Variants in ZNF638 observed in about 807,000 individuals in gnomAD.
ZNF638 encodes the protein zinc finger protein 638.
A neutral mutation model predicts 195.6 loss-of-function variants in ZNF638; 46 were observed. That is an observed-to-expected ratio of 0.24 (90% confidence interval 0.19 to 0.30). ZNF638 has a LOEUF of 0.30. Ranked by LOEUF, ZNF638 falls within the 10% of genes least tolerant of loss-of-function variation. The probability of loss-of-function intolerance (pLI) is 1.00; values close to 1 mark genes in which losing one functional copy is unlikely to be tolerated. For missense variants in ZNF638, 2,440 were observed against 2,325.3 expected, an observed-to-expected ratio of 1.05 and a Z score of -1.01; for synonymous variants, 845 against 772.0, an observed-to-expected ratio of 1.09 and a Z score of -1.57.
Position 71,407,253 on chromosome 2 carries a change from G to A in ZNF638, c.3136-869G>A, listed in dbSNP as rs552478202. ...ATATGCTTCTGATAAATAGAGCATA[G>A]AATGGAATATGATAAATAGTGTGAC... is the stretch of plus-strand genomic sequence containing the variant. On this transcript the variant is annotated intron_variant, in intron 19 of 27. Coordinates refer to ENST00000264447, the MANE Select transcript of ZNF638 (RefSeq NM_014497.5). 2.0e-5 allele frequency: 3 copies of A among 152,186 alleles called. No individual in the cohort carries two copies. In the South Asian group the frequency reaches 6.2e-4, roughly 32 times the overall value. 9.4% of individuals were successfully genotyped at this position (152,186 alleles called of 1,614,324 possible).
At chr2:71,367,226 G>C (rs1391666166) in intron 6 of ZNF638, among the ~76,000 whole-genome samples, 2 of 151,514 alleles carry the variant, frequency 1.3e-5, no homozygotes, top group East Asian at 3.9e-4. Flanking sequence ...CTAGGTGGTG[G>C]CAGTGGAACT....
intron 8 of ZNF638, chr2:71,374,177 A>C (rs2079374423): frequency 6.6e-6 from 1 of 152,210 alleles, no homozygotes; most frequent in Non-Finnish European, 1.5e-5. Flanking sequence ...AGTGCCTAAA[A>C]GGTTTTATTC....
rs1233777150 is a variant in ZNF638, at chr2:71,406,358, G to A, written c.3135+96G>A. 5.9e-5 allele frequency: 64 copies of A among 1,093,524 alleles called. No homozygotes were observed. In the East Asian group the frequency reaches 1.5e-3, roughly 26 times the overall value. 67.7% of individuals were successfully genotyped at this position (1,093,524 alleles called of 1,614,324 possible). A position where few individuals can be genotyped will look rare whatever the true frequency, so the allele number is the denominator to read the frequency against. On this transcript the variant is annotated intron_variant, in intron 19 of 27. Coordinates refer to ENST00000264447, the MANE Select transcript of ZNF638 (RefSeq NM_014497.5). Reference sequence around the variant, plus strand: ...CTGCAACTTCTGATCTGAAGCACCTGTAAATATTACTCAACCACTTCGCAG... The same window carrying A: ...CTGCAACTTCTGATCTGAAGCACCTATAAATATTACTCAACCACTTCGCAG...
intron 1 of ZNF638, among the ~76,000 whole-genome samples, chr2:71,347,419 A>G (rs1015973227): frequency 1.3e-5 from 2 of 152,234 alleles, no homozygotes; most frequent in Non-Finnish European, 1.5e-5. Flanking sequence ...TCCCAGCCAA[A>G]TTAACAATTA....
At chr2:71,337,677 A>G (rs946247341) in intron 1 of ZNF638, among the ~76,000 whole-genome samples, 1 of 152,192 alleles carries the variant, frequency 6.6e-6, no homozygotes, top group African/African-American at 2.4e-5. Flanking sequence ...AAGTAGTAAG[A>G]TTACGTGCAT....
At chr2:71,399,709 CA>C in intron 13 of ZNF638, 64 bp downstream of exon 13, 1 of 1,346,990 alleles carries the variant, frequency 7.4e-7, no homozygotes, top group Non-Finnish European at 1.0e-6. Context: ...TTTTTAAGTT[CA>C]GGGGTACATG....
intron 1 of ZNF638, among the ~76,000 whole-genome samples, chr2:71,346,232 G>A (rs1425867047): frequency 1.3e-5 from 2 of 152,210 alleles, no homozygotes; most frequent in African/African-American, 2.4e-5. Flanking sequence ...GGTTCAGAAA[G>A]CATTGTAATA....
intron 20 of ZNF638, among the ~76,000 whole-genome samples, chr2:71,417,821 T>C (rs1161216269): frequency 6.6e-6 from 1 of 152,234 alleles, no homozygotes; most frequent in Non-Finnish European, 1.5e-5. Flanking sequence ...AGGAAGTCTT[T>C]ACTGTTGGAC....
chr2:71,368,008 A>G (rs1558846895), intron 6 of ZNF638, among the ~76,000 whole-genome samples: 1 of 152,160 alleles, frequency 6.6e-6, no homozygotes, highest in Non-Finnish European at 1.5e-5. Context: ...CAAAGCTGTA[A>G]TTTCAGCTTT....
chr2:71,335,226 A>G (rs1046600816), intron 1 of ZNF638, among the ~76,000 whole-genome samples: 2 of 152,076 alleles, frequency 1.3e-5, no homozygotes, highest in South Asian at 4.1e-4. Flanking sequence ...AAATTCATAG[A>G]GACAAGGTCT....
chr2:71,423,906 C>G lies in ZNF638; in HGVS notation c.4392C>G (p.Thr1464=). The G allele has an allele frequency of 6.2e-7, 1 of 1,613,976 alleles. No homozygotes were observed. The highest frequency in any genetic ancestry group is 8.5e-7 in the Non-Finnish European group (1 of 1,180,006). The change falls in exon 22 of 28, where the codon ACC becomes ACG. Residue 1464 remains threonine, a synonymous_variant. Coordinates refer to ENST00000264447, the MANE Select transcript of ZNF638 (RefSeq NM_014497.5). Reference sequence around the variant, plus strand: ...TCAAACCTACTCAGAGCAGTCTTACCAGAGGAGGCAGTGGAAGGATCTCAG... The same window carrying G: ...TCAAACCTACTCAGAGCAGTCTTACGAGAGGAGGCAGTGGAAGGATCTCAG... ...SKFKPTQSSL[T]RGGSGRISAL... is the part of the protein sequence containing the mutation.
intron 20 of ZNF638, among the ~76,000 whole-genome samples, chr2:71,412,188 T>C (rs1405050253): frequency 5.9e-5 from 2 of 33,938 alleles, no homozygotes; most frequent in African/African-American, 1.4e-4. Context: ...TGAGATGATA[T>C]CTCATAGTGG....
In ZNF638 at chr2:71,339,168, T is replaced by A. The variant is rs76020472; in HGVS notation, c.-203+7293T>A. ...GGTTTAGGTTTTTTTTTTTTTTTTT[T>A]ATTGAGACGGAGTCTCACTTGCACC... On this transcript the variant is annotated intron_variant, in intron 1 of 27. Coordinates refer to ENST00000264447, the MANE Select transcript of ZNF638 (RefSeq NM_014497.5). Among the ~76,000 whole-genome samples the A allele has an allele frequency of 4.7e-3, 586 of 124,542 alleles. 3 individuals are homozygous for A. Among genetic ancestry groups the A allele is most frequent in the African/African-American group, 0.01 (392 of 37,340 alleles). 81.7% of individuals were successfully genotyped at this position (124,542 alleles called of 152,430 possible). A position where few individuals can be genotyped will look rare whatever the true frequency, so the allele number is the denominator to read the frequency against.
chr2:71,399,267 T>C (rs761282135), intron 12 of ZNF638, among the ~76,000 whole-genome samples: 23 of 152,212 alleles, frequency 1.5e-4, no homozygotes, highest in Non-Finnish European at 3.1e-4. Context: ...AAAGAATCTT[T>C]GCAGAAATTA....
chr2:71,397,210 C>G (rs1410287079), intron 11 of ZNF638, among the ~76,000 whole-genome samples: 45 of 152,012 alleles, frequency 3.0e-4, no homozygotes, highest in Admixed American at 4.6e-4. Flanking sequence ...TGATGGCCAC[C>G]CCTTTACTTG....
chr2:71,384,591 TAA>T (rs2079600008), intron 10 of ZNF638, among the ~76,000 whole-genome samples: 2 of 152,216 alleles, frequency 1.3e-5, no homozygotes, highest in African/African-American at 2.4e-5. Context: ...GTACTGAAGA[TAA>T]AAAGTCAGTT....
rs2080702327 is a variant in ZNF638, at chr2:71,433,220, C to T, written c.5808C>T (p.Phe1936=). 1 of 1,614,180 alleles carries T rather than the reference C, an allele frequency of 6.2e-7. No individual in the cohort carries two copies. The highest frequency in any genetic ancestry group is 1.1e-5 in the South Asian group (1 of 91,076). The change falls in exon 27 of 28, where the codon TTC becomes TTT. Residue 1936 remains phenylalanine, a synonymous_variant. Coordinates refer to ENST00000264447, the MANE Select transcript of ZNF638 (RefSeq NM_014497.5). Reference sequence around the variant, plus strand: ...TCTTCTGTCCAATTTGTTCCCTCTTCTACTCAGGTGAAAAAGCAATGACAA... The same window carrying T: ...TCTTCTGTCCAATTTGTTCCCTCTTTTACTCAGGTGAAAAAGCAATGACAA... ...AGFFCPICSL[F]YSGEKAMTNH...
At chr2:71,401,919 A>G in intron 15 of ZNF638, 37 bp from the exon 16 acceptor site, 1 of 1,526,664 alleles carries the variant, frequency 6.6e-7, no homozygotes, top group African/African-American at 1.4e-5. Flanking sequence ...TGAAACAAAG[A>G]AATTTTAATA....
intron 19 of ZNF638, chr2:71,407,211 A>G (rs2080123417): frequency 6.6e-6 from 1 of 152,214 alleles, no homozygotes; most frequent in South Asian, 2.1e-4. Flanking sequence ...TTAACCAACA[A>G]CTAGATAATT....
Sources: allele counts gnomAD v4.1 joint callset (sites outside exome capture counted in the v4.1 genomes callset), GRCh38; gene constraint gnomAD v4.1.1; transcripts MANE v1.5; gene names NCBI Gene and HGNC (gene_info 2026-07-23, HGNC 2026-07-21).